ATP2A2: variants seen among roughly 807,000 people sequenced by gnomAD.
The protein encoded by ATP2A2 is sarcoplasmic/endoplasmic reticulum calcium ATPase 2.
In ATP2A2, 14 loss-of-function variants were observed where a neutral mutation model predicts 109.3. The ratio of observed to expected loss-of-function variants is 0.13; its 90% CI spans 0.08 to 0.20. The LOEUF is 0.20. Among genes scored for constraint, ATP2A2 ranks in the 10% least tolerant of loss-of-function variants. The probability of loss-of-function intolerance (pLI) is 1.00; values close to 1 mark genes in which losing one functional copy is unlikely to be tolerated. For synonymous variants in ATP2A2, 506 were observed against 490.9 expected, an observed-to-expected ratio of 1.03 and a Z score of -0.41; for missense variants, 657 against 1,321.6, an observed-to-expected ratio of 0.50 and a Z score of 7.80.
At chr12:110,310,743 G>A (rs930550090) in intron 5 of ATP2A2, among the ~76,000 whole-genome samples, 1 of 152,162 alleles carries the variant, frequency 6.6e-6, no homozygotes, top group African/African-American at 2.4e-5. Context: ...CAGGGTGCCA[G>A]CAATTTCAAG....
intron 5 of ATP2A2, among the ~76,000 whole-genome samples, chr12:110,312,861 A>G (rs1365089074): frequency 6.6e-6 from 1 of 152,006 alleles, no homozygotes; most frequent in Non-Finnish European, 1.5e-5. Context: ...AAAAAAAAAA[A>G]AAAAGAAAAC....
At chr12:110,287,637 C>T (rs1051455550) in intron 3 of ATP2A2, among the ~76,000 whole-genome samples, 5 of 152,054 alleles carry the variant, frequency 3.3e-5, no homozygotes, top group African/African-American at 7.2e-5. Context: ...TTTTTTGAGA[C>T]GGAGTCCTGC....
Position 110,348,227 on chromosome 12 carries a change from CGAT to C in ATP2A2, c.*1758_*1760del, listed in dbSNP as rs1038041252. 4 of 985,282 alleles carry C rather than the reference CGAT, an allele frequency of 4.1e-6. No homozygotes were observed. The highest frequency in any genetic ancestry group is 6.1e-5 in the Admixed American group (1 of 16,262). 61.0% of individuals were successfully genotyped at this position (985,282 alleles called of 1,614,324 possible). On this transcript the variant is annotated 3_prime_UTR_variant, in exon 20 of 20. Transcript: ENST00000539276. ...AACTGAACCAGTGAACTCTGGGTAT[CGAT>C]AGGTTCGTCTTAAATAGGCCACTTC...
intron 5 of ATP2A2, among the ~76,000 whole-genome samples, chr12:110,320,285 T>G (rs1354793616): frequency 6.6e-6 from 1 of 152,196 alleles, no homozygotes; most frequent in African/African-American, 2.4e-5. Flanking sequence ...TTGAATTGTT[T>G]AAGTCTGTTC....
chr12:110,336,266 G>T (rs565344707), intron 11 of ATP2A2, among the ~76,000 whole-genome samples: 1 of 152,326 alleles, frequency 6.6e-6, no homozygotes, highest in South Asian at 2.1e-4. Context: ...GGTTCTGCCT[G>T]CCTGAAGGAA....
Position 110,340,826 on chromosome 12 carries a change from G to C in ATP2A2, c.1929G>C (p.Gln643His). 6.2e-7 allele frequency: 1 copy of C among 1,614,234 alleles called. No individual in the cohort carries two copies. Among genetic ancestry groups the C allele is most frequent in the Admixed American group, 1.7e-5 (1 of 60,036 alleles). ...GTCGCCGCATCGGCATCTTCGGGCAGGATGAGGACGTGACGTCAAAAGCTT... is the reference window on the plus strand; with the variant it reads ...GTCGCCGCATCGGCATCTTCGGGCACGATGAGGACGTGACGTCAAAAGCTT... ...AICRRIGIFG[Q>H]DEDVTSKAFT... The change falls in exon 14 of 20, where the codon CAG becomes CAC. Residue 643 changes from glutamine (Q) to histidine (H), a missense_variant. Physicochemically the swap from Gln to His is conservative, Grantham distance 24. Around this residue, in one of 9 missense-constraint regions of ATP2A2, gnomAD observed 180 missense variants for 329.1 expected, o/e 0.55. Transcript: ENST00000539276. This position sits in a 1 kb window ranked among gnomAD's most constrained non-coding sequence, Gnocchi z 6.0.
In ATP2A2 at chr12:110,345,341, C is replaced by G. The variant is rs1592867621; in HGVS notation, c.2700C>G (p.Leu900=). The G allele has an allele frequency of 3.1e-6, 5 of 1,614,232 alleles. No homozygotes were observed. The highest frequency in any genetic ancestry group is 4.2e-6 in the Non-Finnish European group (5 of 1,180,044). ...CCCCATACCCGATGACAATGGCGCTCTCTGTTCTAGTAACTATAGAAATGT... is the reference window on the plus strand; with the variant it reads ...CCCCATACCCGATGACAATGGCGCTGTCTGTTCTAGTAACTATAGAAATGT... ...FESPYPMTMA[L]SVLVTIEMCN... Residue 900 remains leucine, a synonymous_variant, in exon 18 of 20, where the codon CTC becomes CTG. Transcript: ENST00000539276.
At chr12:110,311,633 A>G (rs1335563986) in intron 5 of ATP2A2, among the ~76,000 whole-genome samples, 1 of 137,088 alleles carries the variant, frequency 7.3e-6, no homozygotes, top group Non-Finnish European at 1.6e-5. Context: ...CGCTGGGATT[A>G]TAAGTGTGAG....
rs1390480993 is a variant in ATP2A2, at chr12:110,342,412, G to A, written c.2282G>A (p.Arg761His). ...AIYNNMKQFI[R>H]YLISSNVGEV... Reference sequence around the variant, plus strand: ...TACAACAACATGAAACAGTTCATCCGCTACCTCATCTCGTCCAACGTCGGG... The same window carrying A: ...TACAACAACATGAAACAGTTCATCCACTACCTCATCTCGTCCAACGTCGGG... The change falls in exon 15 of 20, where the codon CGC becomes CAC. Residue 761 changes from arginine (R) to histidine (H), a missense_variant. Physicochemically the swap from Arg to His is conservative, Grantham distance 29. This residue lies in a region of ATP2A2 where 50 missense variants were observed against 176.9 expected (regional missense o/e 0.28). Coordinates refer to ENST00000539276, the MANE Select transcript of ATP2A2 (RefSeq NM_170665.4). This position sits in a 1 kb window ranked among gnomAD's most constrained non-coding sequence, Gnocchi z 4.6. The A allele has an allele frequency of 1.9e-6, 3 of 1,613,860 alleles. No individual in the cohort carries two copies.
rs866972164 is a variant in ATP2A2 at position 110,340,887 on chromosome 12, G to A, written c.1990G>A (p.Ala664Thr). ...GGAGTTTGATGAACTCAACCCCTCC[G>A]CCCAGCGAGACGCCTGCCTGAACGC... ...GREFDELNPS[A>T]QRDACLNARC... Residue 664 changes from alanine to threonine, a missense_variant, in exon 14 of 20, where the codon GCC (alanine) becomes ACC (threonine). Around this residue, in one of 9 missense-constraint regions of ATP2A2, gnomAD observed 180 missense variants for 329.1 expected, o/e 0.55. Transcript: ENST00000539276. This position sits in a 1 kb window ranked among gnomAD's most constrained non-coding sequence, Gnocchi z 6.0. 9.9e-6 allele frequency: 16 copies of A among 1,614,056 alleles called. No homozygotes were observed. The highest frequency in any genetic ancestry group is 2.2e-5 in the East Asian group (1 of 44,892).
chr12:110,293,850 G>GTATATATATATATATATATA (rs1276415415), intron 4 of ATP2A2, among the ~76,000 whole-genome samples: 24 of 122,492 alleles, frequency 2.0e-4, no homozygotes, highest in Non-Finnish European at 3.2e-4. Context: ...GTGTGTGTGT[G>GTATATATATATATATATATA]TGTGTGTGTG....
intron 9 of ATP2A2, 36 bp from the exon 10 acceptor site, chr12:110,333,145 C>T (rs1878509989): frequency 6.4e-7 from 1 of 1,559,626 alleles, no homozygotes; most frequent in Non-Finnish European, 8.8e-7. Context: ...TAGTGGCGAC[C>T]ATACCCTGCT....
chr12:110,319,311 C>T (rs1296742828), intron 5 of ATP2A2, among the ~76,000 whole-genome samples: 1 of 150,756 alleles, frequency 6.6e-6, no homozygotes, highest in African/African-American at 2.4e-5. Flanking sequence ...TAAAAGATCT[C>T]CAGATAACTC....
chr12:110,305,124 G>C (rs1046082068), intron 5 of ATP2A2, among the ~76,000 whole-genome samples: 1 of 152,086 alleles, frequency 6.6e-6, no homozygotes, highest in East Asian at 1.9e-4. Context: ...AGTAGAAACG[G>C]GGTTTCACCG....
rs78569143 is a variant in ATP2A2, at chr12:110,325,229, A to G, written c.545-1161A>G. Among the ~76,000 whole-genome samples the G allele has an allele frequency of 5.4e-3, 829 of 152,262 alleles. 5 individuals are homozygous for G. Among genetic ancestry groups the G allele is most frequent in the Non-Finnish European group, 7.1e-3 (484 of 68,024 alleles). ...AGTTTTTGGCTAACTTGTGGAACCA[A>G]TTTTTTTGGTCAAATATTGAGAGTG... On this transcript the variant is annotated intron_variant, in intron 6 of 19. Transcript: ENST00000539276.
intron 18 of ATP2A2, 132 bp from the exon 19 acceptor site, chr12:110,345,869 G>GTC: frequency 1.1e-6 from 1 of 876,178 alleles, no homozygotes; most frequent in South Asian, 1.3e-5. Context: ...ACTGTAGAAA[G>GTC]TGGAGGTAGG....
At chr12:110,295,398 A>G (rs972684865) in intron 4 of ATP2A2, among the ~76,000 whole-genome samples, 1 of 152,060 alleles carries the variant, frequency 6.6e-6, no homozygotes, top group Non-Finnish European at 1.5e-5. Context: ...TCTTGGGCTC[A>G]AGCAGTCCTC....
chr12:110,319,624 A>AT (rs1443339203), intron 5 of ATP2A2, among the ~76,000 whole-genome samples: 1 of 148,344 alleles, frequency 6.7e-6, no homozygotes, highest in African/African-American at 2.5e-5. Context: ...TACATAATAT[A>AT]TACTATATTA....
chr12:110,288,401 ATTC>A (rs1872889579), intron 3 of ATP2A2, among the ~76,000 whole-genome samples: 1 of 151,350 alleles, frequency 6.6e-6, no homozygotes, highest in Admixed American at 6.6e-5. Flanking sequence ...GAAACAGATA[ATTC>A]TTTTTTTTTT....
Sources: gnomAD v4.1 joint callset for allele counts (sites outside exome capture counted in the v4.1 genomes callset) on GRCh38, gnomAD v4.1.1 for gene constraint, gnomAD v4.1.1 regional missense constraint, Gnocchi (gnomAD v3.1) non-coding constraint, MANE v1.5 for transcripts, NCBI Gene and HGNC (gene_info 2026-07-23, HGNC 2026-07-21) for gene names.